USP24: variants seen among roughly 807,000 people sequenced by gnomAD.
USP24 encodes the protein ubiquitin carboxyl-terminal hydrolase 24.
In USP24, 97 loss-of-function variants were observed where a neutral mutation model predicts 361.6. The observed-to-expected ratio is 0.27, with a 90% CI of 0.23 to 0.32. The LOEUF is 0.32. Ranked by LOEUF, USP24 falls within the 10% of genes least tolerant of loss-of-function variation. USP24 has a pLI of 1.00. For missense variants in USP24, 2,353 were observed against 3,165.6 expected, an observed-to-expected ratio of 0.74 and a Z score of 6.16; for synonymous variants, 1,098 against 1,124.6, an observed-to-expected ratio of 0.98 and a Z score of 0.47.
At position 55,071,810 on chromosome 1, in the gene USP24, A is replaced by T. The variant is rs747796078; in HGVS notation, c.7800+4T>A. The stretch of plus-strand genomic sequence containing the variant: ...TGCACACAAGGACATGCTGACCGTT[A>T]TACCTGCTGTAGATGCCTGTCTCCG... On this transcript the variant is annotated splice_donor_region_variant and intron_variant, in intron 67 of 67. Transcript: ENST00000294383. The T allele has an allele frequency of 6.2e-7, 1 of 1,610,718 alleles. No individual in the cohort carries two copies.
Position 55,073,877 on chromosome 1 carries a change from T to C in USP24, c.7477A>G (p.Ser2493Gly). 1.3e-6 allele frequency: 2 copies of C among 1,581,178 alleles called. No homozygotes were observed. The highest frequency in any genetic ancestry group is 1.7e-6 in the Non-Finnish European group (2 of 1,162,790). ...TTGACACACTGGTAGCAGCGACTAC[T>C]GTCCACATGATTACTGTGGTGCATC... is the stretch of plus-strand genomic sequence containing the variant. ...ALMHHSNHVD[S>G]SRCYQCVKFL... The change falls in exon 64 of 68, where the codon AGT (serine) becomes GGT (glycine). Residue 2493 changes from serine (S) to glycine (G), a missense_variant. Coordinates refer to ENST00000294383, the MANE Select transcript of USP24 (RefSeq NM_015306.3).
At chr1:55,125,573 T>G (rs181460425) in intron 33 of USP24, 25 bp from the exon 34 acceptor site, 18 of 1,599,894 alleles carry the variant, frequency 1.1e-5, no homozygotes, top group Admixed American at 1.7e-5. Flanking sequence ...GCTAGACTTA[T>G]TCTGAGTCCA....
At chr1:55,104,149 A>C in intron 41 of USP24, 129 bp from the exon 42 acceptor site, 1 of 1,132,172 alleles carries the variant, frequency 8.8e-7, no homozygotes, top group Non-Finnish European at 1.2e-6. Context: ...GTCAGGTCTA[A>C]CCCCAGACAT....
chr1:55,125,025 T>C (rs1244430772), intron 34 of USP24, among the ~76,000 whole-genome samples: 1 of 152,164 alleles, frequency 6.6e-6, no homozygotes, highest in Non-Finnish European at 1.5e-5. Context: ...CTTCAAGGCC[T>C]AGCTCAAATG....
At chr1:55,162,889 C>A (rs917808802) in intron 7 of USP24, among the ~76,000 whole-genome samples, 1 of 152,002 alleles carries the variant, frequency 6.6e-6, no homozygotes, top group African/African-American at 2.4e-5. Context: ...AGAAGTGACA[C>A]TACCAGTAAT....
chr1:55,141,616 C>A lies in USP24; in HGVS notation c.2750G>T (p.Arg917Ile). 6.2e-7 allele frequency: 1 copy of A among 1,609,322 alleles called. No individual in the cohort carries two copies. ...TVATSVQSPY[R>I]STKLVIIERL... ...GTATTTTTCACTTCTGATCACTTAC[C>A]TATAAGGAGACTGAACTGAGGTTGC... The change falls in exon 24 of 68, where the codon AGA becomes ATA. Residue 917 changes from arginine (R) to isoleucine (I), a missense_variant and splice_region_variant. Arg to Ile is a moderately conservative substitution (Grantham distance 97). Transcript: ENST00000294383.
In USP24 at chr1:55,089,734, A is replaced by G. The variant is rs767526747; in HGVS notation, c.6561T>C (p.Asp2187=). 3.8e-6 allele frequency: 6 copies of G among 1,589,846 alleles called. No homozygotes were observed. Among genetic ancestry groups the G allele is most frequent in the Non-Finnish European group, 5.1e-6 (6 of 1,167,538 alleles). ...CAATGGTAGCAATCCATTCTTCAGT[A>G]TCAACCCTTTAAAAAAAAGCAGATA... The part of the protein sequence containing the change: ...YLRTKKKLRV[D]TEEWIATIEA... The change falls in exon 55 of 68, where the codon GAT becomes GAC. Residue 2187 remains aspartate, a synonymous_variant. Transcript: ENST00000294383.
At chr1:55,196,377 T>C (rs1644416880) in intron 1 of USP24, among the ~76,000 whole-genome samples, 1 of 152,190 alleles carries the variant, frequency 6.6e-6, no homozygotes, top group African/African-American at 2.4e-5. Flanking sequence ...AGGAGACTTT[T>C]AGACATCTTT....
intron 58 of USP24, 47 bp from the exon 59 acceptor site, chr1:55,081,471 T>C (rs1257678298): frequency 3.2e-6 from 5 of 1,549,730 alleles, no homozygotes; most frequent in Non-Finnish European, 4.5e-6. Context: ...TCGTCAGAAA[T>C]AATATGAAGA....
rs775621729 is a variant in USP24, at chr1:55,097,016, C to T, written c.5872G>A (p.Gly1958Ser). 2 of 1,613,732 alleles carry T rather than the reference C, an allele frequency of 1.2e-6. No homozygotes were observed. The highest frequency in any genetic ancestry group is 1.7e-6 in the Non-Finnish European group (2 of 1,179,868). Residue 1958 changes from glycine (G) to serine (S), a missense_variant, in exon 49 of 68, where the codon GGT becomes AGT. Transcript: ENST00000294383. ...GCCTGCCCACTGTGTACGATGACACCGACAAGTTCATAGTTTTCTGTGAGG... is the reference window on the plus strand; with the variant it reads ...GCCTGCCCACTGTGTACGATGACACTGACAAGTTCATAGTTTTCTGTGAGG... ...VALTENYELV[G>S]VIVHSGQAHA...
At chr1:55,093,621 T>G (rs1248205451) in intron 52 of USP24, 2 of 222,000 alleles carry the variant, frequency 9.0e-6, no homozygotes, top group African/African-American at 4.5e-5. Context: ...CAAAATAAGT[T>G]TATTTCAGCA....
At chr1:55,174,602 T>TA (rs1455245468) in intron 3 of USP24, among the ~76,000 whole-genome samples, 3 of 152,232 alleles carry the variant, frequency 2.0e-5, no homozygotes, top group Non-Finnish European at 2.9e-5. Flanking sequence ...TGTACAGAGT[T>TA]AGAGTATTAT....
chr1:55,118,989 G>C (rs1382291943), intron 38 of USP24, among the ~76,000 whole-genome samples: 1 of 152,218 alleles, frequency 6.6e-6, no homozygotes, highest in Non-Finnish European at 1.5e-5. Flanking sequence ...AAATGGTACA[G>C]CCATTGTGGA....
chr1:55,146,164 A>G (rs1382506551), intron 19 of USP24, 55 bp from the exon 20 acceptor site: 40 of 1,286,814 alleles, frequency 3.1e-5, no homozygotes, highest in Non-Finnish European at 4.0e-5. Context: ...AGGCACATAC[A>G]TATTCCAAAC....
At chr1:55,141,809 G>T in intron 23 of USP24, 78 bp from the exon 24 acceptor site, 3 of 1,367,594 alleles carry the variant, frequency 2.2e-6, no homozygotes, top group Non-Finnish European at 3.1e-6. Context: ...AGGATAATTT[G>T]CTGTTGCAGA....
chr1:55,151,960 C>T (rs1647207117), intron 16 of USP24: 1 of 985,634 alleles, frequency 1.0e-6, no homozygotes. Context: ...AATCCCCAGT[C>T]AGCCCACCTT....
chr1:55,081,526 T>A, intron 58 of USP24, 102 bp from the exon 59 acceptor site: 1 of 1,109,194 alleles, frequency 9.0e-7, no homozygotes, highest in Non-Finnish European at 1.4e-6. Flanking sequence ...GGGCTTTAAT[T>A]ATTTCTCAGT....
At chr1:55,199,546 T>C (rs956327992) in intron 1 of USP24, among the ~76,000 whole-genome samples, 2 of 151,944 alleles carry the variant, frequency 1.3e-5, no homozygotes, top group Non-Finnish European at 2.9e-5. Context: ...AGGAGTCAGA[T>C]GTCTTGACAT....
At chr1:55,206,365 G>C (rs1644704030) in intron 1 of USP24, among the ~76,000 whole-genome samples, 1 of 152,180 alleles carries the variant, frequency 6.6e-6, no homozygotes, top group Non-Finnish European at 1.5e-5. Context: ...GTACAGAGAA[G>C]TGGCAATTGA....
Sources: allele counts gnomAD v4.1 joint callset (sites outside exome capture counted in the v4.1 genomes callset), GRCh38; gene constraint gnomAD v4.1.1; transcripts MANE v1.5; gene names NCBI Gene and HGNC (gene_info 2026-07-23, HGNC 2026-07-21).